SLF2: variants seen among roughly 807,000 people sequenced by gnomAD.
The protein encoded by SLF2 is SMC5-SMC6 complex localization factor protein 2.
Under a neutral mutation model 124.3 loss-of-function variants are expected in SLF2, and 68 were observed. The ratio of observed to expected loss-of-function variants is 0.55; its 90% CI spans 0.45 to 0.67. The LOEUF is 0.67. Among genes scored for constraint, SLF2 ranks in the 30% least tolerant of loss-of-function variants. SLF2 has a pLI of 0.00. For synonymous variants in SLF2, 480 were observed against 478.8 expected (o/e 1.00, Z -0.03); for missense variants, 1,246 against 1,373.7 (o/e 0.91, Z 1.47).
intron 18 of SLF2, among the ~76,000 whole-genome samples, chr10:100,956,978 A>C (rs1850343082): frequency 6.6e-6 from 1 of 152,222 alleles, no homozygotes; most frequent in Non-Finnish European, 1.5e-5. Flanking sequence ...TTTTAATAAC[A>C]GAAATCAGCT....
chr10:100,917,353 A>T (rs1849437312), intron 3 of SLF2, 53 bp downstream of exon 3: 1 of 1,508,596 alleles, frequency 6.6e-7, no homozygotes, highest in Non-Finnish European at 8.8e-7. Flanking sequence ...CATATTTAGA[A>T]TACTAAATTT....
chr10:100,926,067 T>A (rs766040812), intron 6 of SLF2, 48 bp downstream of exon 6: 13 of 1,614,178 alleles, frequency 8.1e-6, no homozygotes, highest in Non-Finnish European at 1.1e-5. Flanking sequence ...TTTTGCTTGT[T>A]TGTGTGGCTT....
At chr10:100,915,867 AC>A (rs1373312660) in intron 1 of SLF2, 131 bp from the exon 2 acceptor site, 79 of 684,570 alleles carry the variant, frequency 1.2e-4, no homozygotes, top group Middle Eastern at 8.3e-4. Context: ...AAGCATTGTT[AC>A]CATTGTCAGA....
intron 4 of SLF2, among the ~76,000 whole-genome samples, chr10:100,923,511 G>T (rs997699519): frequency 6.6e-6 from 1 of 150,844 alleles, no homozygotes; most frequent in African/African-American, 2.4e-5. Context: ...GGGACACAGC[G>T]TGATTTTTTT....
At chr10:100,937,532 A>G (rs923606908) in intron 10 of SLF2, 55 bp downstream of exon 10, 5 of 1,019,060 alleles carry the variant, frequency 4.9e-6, no homozygotes, top group East Asian at 2.4e-5. Flanking sequence ...TGCTATTTAC[A>G]TGGTATCTTT....
In SLF2 at chr10:100,963,120, G is replaced by A. The variant is rs1300205890; in HGVS notation, c.*1208G>A. On this transcript the variant is annotated 3_prime_UTR_variant, in exon 20 of 20. Coordinates refer to ENST00000238961, the MANE Select transcript of SLF2 (RefSeq NM_018121.4). ...TGTTGTTCTTTCAGTATTGGCTTGA[G>A]TGACCTGTTCTCCTGAGTGCTCTAG... 2.6e-5 allele frequency: 4 copies of A among 152,514 alleles called. No homozygotes were observed. Among genetic ancestry groups the A allele is most frequent in the African/African-American group, 9.7e-5 (4 of 41,396 alleles). The allele number at this position is 152,514 out of a possible 1,614,324, so 9.4% of individuals were successfully genotyped here.
intron 1 of SLF2, chr10:100,913,942 T>G (rs970471931): frequency 2.2e-6 from 2 of 905,238 alleles, no homozygotes; most frequent in Admixed American, 1.2e-4. Flanking sequence ...TTAACAATAT[T>G]CATGTTACTA....
chr10:100,956,119 A>C (rs1436509240), intron 17 of SLF2, among the ~76,000 whole-genome samples: 1 of 151,824 alleles, frequency 6.6e-6, no homozygotes, highest in East Asian at 1.9e-4. Context: ...CGTTGTCTGA[A>C]TATTTTGTTA....
At chr10:100,920,985 A>G (rs1849514956) in intron 4 of SLF2, among the ~76,000 whole-genome samples, 1 of 152,122 alleles carries the variant, frequency 6.6e-6, no homozygotes, top group Admixed American at 6.6e-5. Context: ...AATCCAAATG[A>G]TATGTCTTGT....
intron 1 of SLF2, chr10:100,913,924 A>AC: frequency 1.0e-6 from 1 of 955,244 alleles, no homozygotes. Context: ...GTTAAATTGT[A>AC]TTAAGTTTTA....
intron 19 of SLF2, among the ~76,000 whole-genome samples, chr10:100,961,272 A>G (rs1850424057): frequency 6.6e-6 from 1 of 151,948 alleles, no homozygotes; most frequent in South Asian, 2.1e-4. Flanking sequence ...GGCCTGCCAG[A>G]GTGCTGGGAT....
At position 100,913,220 on chromosome 10, in the gene SLF2, C is replaced by A; in HGVS notation, c.110C>A (p.Ala37Glu). The A allele has an allele frequency of 6.2e-7, 1 of 1,610,802 alleles. No individual in the cohort carries two copies. Among genetic ancestry groups the A allele is most frequent in the Non-Finnish European group, 8.5e-7 (1 of 1,178,666 alleles). The change falls in exon 1 of 20, where the codon GCG (alanine) becomes GAG (glutamate). Residue 37 changes from alanine (A) to glutamate (E), a missense_variant. Ala to Glu is a moderately radical substitution (Grantham distance 107). Around this residue, in one of 3 missense-constraint regions of SLF2, gnomAD observed 698 missense variants for 708.9 expected, o/e 0.98. Coordinates refer to ENST00000238961, the MANE Select transcript of SLF2 (RefSeq NM_018121.4). ...LRPGSTAHAA[A>E]GKRTESPGDR... is the part of the protein sequence containing the mutation. ...CCCGGTAGTACCGCCCATGCTGCAG[C>A]GGGAAAGAGAACAGAGAGTCCTGGG...
At chr10:100,948,221 G>C (rs919927558) in intron 15 of SLF2, among the ~76,000 whole-genome samples, 7 of 152,192 alleles carry the variant, frequency 4.6e-5, no homozygotes, top group African/African-American at 1.7e-4. Flanking sequence ...TACATTGATT[G>C]CATCTTTAAC....
At chr10:100,923,368 C>CT (rs1340989240) in intron 4 of SLF2, among the ~76,000 whole-genome samples, 3 of 152,142 alleles carry the variant, frequency 2.0e-5, no homozygotes, top group Non-Finnish European at 4.4e-5. Flanking sequence ...CATTTCTTGA[C>CT]TTACAGCTGC....
intron 17 of SLF2, among the ~76,000 whole-genome samples, chr10:100,952,666 C>T (rs1313289517): frequency 6.6e-6 from 1 of 150,998 alleles, no homozygotes; most frequent in Non-Finnish European, 1.5e-5. Flanking sequence ...CGGTTGGGCA[C>T]AGTGGCTCAC....
chr10:100,926,956 G>A (rs911554044), intron 6 of SLF2, among the ~76,000 whole-genome samples: 1 of 151,214 alleles, frequency 6.6e-6, no homozygotes, highest in Non-Finnish European at 1.5e-5. Flanking sequence ...TTCATAGACT[G>A]GATCAAAAGA....
chr10:100,953,601 C>CA (rs1334228517), intron 17 of SLF2, among the ~76,000 whole-genome samples: 25 of 151,792 alleles, frequency 1.6e-4, no homozygotes, highest in Admixed American at 1.2e-3. Context: ...ATTATTTTAA[C>CA]AAAAATGTAA....
chr10:100,945,183 T>G (rs926092171), intron 12 of SLF2, 147 bp from the exon 13 acceptor site: 10 of 605,972 alleles, frequency 1.7e-5, no homozygotes, highest in Admixed American at 1.2e-4. Context: ...CATTGAGTAG[T>G]TCTTGCCTTC....
chr10:100,953,803 C>T (rs548079860), intron 17 of SLF2, among the ~76,000 whole-genome samples: 58 of 152,154 alleles, frequency 3.8e-4, no homozygotes, highest in African/African-American at 1.4e-3. Context: ...GAGGCATGTG[C>T]CATGATGCTG....
Sources: gnomAD v4.1 joint callset for allele counts (sites outside exome capture counted in the v4.1 genomes callset) on GRCh38, gnomAD v4.1.1 for gene constraint, gnomAD v4.1.1 regional missense constraint, MANE v1.5 for transcripts, NCBI Gene and HGNC (gene_info 2026-07-23, HGNC 2026-07-21) for gene names.